Variants in IRAG2 observed in about 807,000 individuals in gnomAD.
IRAG2 encodes inositol 1,4,5-triphosphate receptor associated 2.
Under a neutral mutation model 69.9 loss-of-function variants are expected in IRAG2, and 45 were observed. That is an observed-to-expected ratio of 0.64 (90% CI 0.51 to 0.83). The LOEUF (loss-of-function observed/expected upper bound fraction) is 0.83. Ranked by LOEUF, IRAG2 falls within the 40% of genes least tolerant of loss-of-function variation. The pLI, the probability that IRAG2 is intolerant of heterozygous loss-of-function variation, is 0.00. For synonymous variants in IRAG2, 193 were observed against 202.4 expected (o/e 0.95, Z 0.40); for missense variants, 520 against 587.0 (o/e 0.89, Z 1.18).
At chr12:25,043,386 C>G (rs1435683557) in intron 16 of IRAG2, among the ~76,000 whole-genome samples, 1 of 151,946 alleles carries the variant, frequency 6.6e-6, no homozygotes. Flanking sequence ...TCTTATAGTG[C>G]TAATGGGACC....
rs1592140217 is a variant in IRAG2 at position 25,108,184 on chromosome 12, T to C, written c.*124T>C. On this transcript the variant is annotated 3_prime_UTR_variant, in exon 22 of 22. Coordinates refer to ENST00000556887, the MANE Select transcript of IRAG2 (RefSeq NM_001366544.2). ...AGAGGTTCTCAGAATGACTGTAAGA[T>C]AGCTTACATTTCCTCTTTTTGCCTT... 9.3e-7 allele frequency: 1 copy of C among 1,075,490 alleles called. No individual in the cohort carries two copies. The highest frequency in any genetic ancestry group is 1.6e-5 in the African/African-American group (1 of 63,168). The allele number at this position is 1,075,490 out of a possible 1,614,324, so 66.6% of individuals were successfully genotyped here. A position where few individuals can be genotyped will look rare whatever the true frequency, so the allele number is the denominator to read the frequency against.
In IRAG2 at chr12:25,079,450, A is replaced by T. The variant is rs758538532; in HGVS notation, c.124A>T (p.Ile42Leu). ...PRHTSSTDGTITSSDPGLEIL... is the reference protein window; with the variant it reads ...PRHTSSTDGTLTSSDPGLEIL... ...ACACACTTCATCGACAGACGGTACT[A>T]TAACTTCAAGTGGTAAGTGGATTTG... is the stretch of plus-strand genomic sequence containing the variant. The change falls in exon 8 of 22, where the codon ATA (isoleucine) becomes TTA (leucine). Residue 42 changes from isoleucine (I) to leucine (L), a missense_variant. Coordinates refer to ENST00000556887, the MANE Select transcript of IRAG2 (RefSeq NM_001366544.2). 7 of 1,612,880 alleles carry T rather than the reference A, an allele frequency of 4.3e-6. No individual in the cohort carries two copies. The highest frequency in any genetic ancestry group is 5.9e-6 in the Non-Finnish European group (7 of 1,178,830).
At chr12:25,058,315 A>T (rs1364623524) in intron 1 of IRAG2, among the ~76,000 whole-genome samples, 1 of 152,108 alleles carries the variant, frequency 6.6e-6, no homozygotes, top group African/African-American at 2.4e-5. Context: ...TGTGATTTTA[A>T]TATATATTTT....
intron 6 of IRAG2, among the ~76,000 whole-genome samples, chr12:25,019,602 C>T (rs1266908216): frequency 6.6e-6 from 1 of 152,154 alleles, no homozygotes; most frequent in Non-Finnish European, 1.5e-5. Flanking sequence ...CTGCTCTGCT[C>T]CTCTGCCAGT....
intron 10 of IRAG2, among the ~76,000 whole-genome samples, chr12:25,084,402 A>AG (rs936661924): frequency 2.6e-5 from 4 of 151,818 alleles, no homozygotes; most frequent in Non-Finnish European, 5.9e-5. Flanking sequence ...AAAGAAAAAA[A>AG]AGAGAGAGAG....
At chr12:25,098,218 T>C (rs1346884442) in intron 15 of IRAG2, among the ~76,000 whole-genome samples, 1 of 152,236 alleles carries the variant, frequency 6.6e-6, no homozygotes. Context: ...CACATTCCCA[T>C]GCTGACCTGT....
intron 10 of IRAG2, among the ~76,000 whole-genome samples, chr12:25,087,313 C>T (rs541310411): frequency 2.6e-5 from 4 of 151,746 alleles, no homozygotes; most frequent in African/African-American, 7.2e-5. Context: ...GATTATAGGC[C>T]TGCACCACCA....
intron 17 of IRAG2, among the ~76,000 whole-genome samples, chr12:25,102,973 A>C (rs1464971342): frequency 6.6e-6 from 1 of 152,192 alleles, no homozygotes; most frequent in Non-Finnish European, 1.5e-5. Flanking sequence ...GAAGAGAAAC[A>C]CAGAAGTTAA....
intron 20 of IRAG2, among the ~76,000 whole-genome samples, chr12:25,105,814 A>G (rs1047984139): frequency 6.6e-6 from 1 of 152,238 alleles, no homozygotes; most frequent in South Asian, 2.1e-4. Flanking sequence ...TTTAAAAACT[A>G]AAGTCTATCA....
Position 25,108,199 on chromosome 12 carries a change from CTTTTTGCCT to C in IRAG2, c.*142_*150del. The C allele has an allele frequency of 1.1e-6, 1 of 949,798 alleles. No individual in the cohort carries two copies. Among genetic ancestry groups the C allele is most frequent in the South Asian group, 1.9e-5 (1 of 53,982 alleles). The allele number at this position is 949,798 out of a possible 1,614,324, so 58.8% of individuals were successfully genotyped here. On this transcript the variant is annotated 3_prime_UTR_variant, in exon 22 of 22. Transcript: ENST00000556887. ...GACTGTAAGATAGCTTACATTTCCTCTTTTTGCCTTTATCTCCCCAACTAAAATACAATG... is the reference window on the plus strand; with the variant it reads ...GACTGTAAGATAGCTTACATTTCCTCTTATCTCCCCAACTAAAATACAATG...
At chr12:25,104,210 T>C in intron 19 of IRAG2, 151 bp from the exon 20 acceptor site, 1 of 851,640 alleles carries the variant, frequency 1.2e-6, no homozygotes, top group East Asian at 2.7e-5. Flanking sequence ...AATTATGAAG[T>C]TTTTTATCAT....
upstream of IRAG2, chr12:25,052,252 C>T (rs1591942707): frequency 8.2e-6 from 3 of 364,490 alleles, no homozygotes; most frequent in East Asian, 1.1e-4. Flanking sequence ...CAACTAGAAG[C>T]CATTAAACAA....
chr12:25,075,552 G>A (rs1946638767), intron 6 of IRAG2, among the ~76,000 whole-genome samples: 1 of 147,096 alleles, frequency 6.8e-6, no homozygotes, highest in African/African-American at 2.5e-5. Flanking sequence ...GTGTGTGTGT[G>A]TGTGTATGTG....
intron 10 of IRAG2, among the ~76,000 whole-genome samples, chr12:25,030,514 G>C (rs1258968257): frequency 6.6e-6 from 1 of 152,108 alleles, no homozygotes; most frequent in Non-Finnish European, 1.5e-5. Flanking sequence ...AGCCTCCTGA[G>C]TAGCTGGGAT....
upstream of IRAG2, among the ~76,000 whole-genome samples, chr12:25,001,344 C>T (rs1944389694): frequency 6.6e-6 from 1 of 151,928 alleles, no homozygotes. Flanking sequence ...ACTTGAGAGG[C>T]TTAGGTAGGA....
At chr12:25,021,481 A>C (rs1169227936) in intron 7 of IRAG2, among the ~76,000 whole-genome samples, 4 of 152,216 alleles carry the variant, frequency 2.6e-5, no homozygotes, top group Non-Finnish European at 5.9e-5. Flanking sequence ...CAGTACTTGC[A>C]GGTTACTGAG....
At chr12:25,008,956 T>C (rs1944453176) in intron 2 of IRAG2, among the ~76,000 whole-genome samples, 1 of 152,230 alleles carries the variant, frequency 6.6e-6, no homozygotes, top group African/African-American at 2.4e-5. Context: ...CCATTTTTGA[T>C]GTAACATGTT....
chr12:25,027,433 T>C (rs527619635), intron 9 of IRAG2, among the ~76,000 whole-genome samples: 49 of 151,512 alleles, frequency 3.2e-4, no homozygotes, highest in Non-Finnish European at 5.9e-4. Flanking sequence ...CTCGCTCTTT[T>C]GCCCAGGCTG....
chr12:25,089,692 A>G lies in IRAG2; in HGVS notation c.437+15A>G, dbSNP rs781711363. On this transcript the variant is annotated intron_variant, in intron 12 of 21. Coordinates refer to ENST00000556887, the MANE Select transcript of IRAG2 (RefSeq NM_001366544.2). ...CAAAGTGAGAAGTAAGTGCTTCTTC[A>G]TGTAGCATGTTAACATGTTTTATTT... 1.9e-6 allele frequency: 3 copies of G among 1,608,968 alleles called. No homozygotes were observed. The highest frequency in any genetic ancestry group is 2.2e-5 in the East Asian group (1 of 44,842).
Sources: gnomAD v4.1 joint callset for allele counts (sites outside exome capture counted in the v4.1 genomes callset) on GRCh38, gnomAD v4.1.1 for gene constraint, MANE v1.5 for transcripts, NCBI Gene and HGNC (gene_info 2026-07-23, HGNC 2026-07-21) for gene names.